Variants in GRAMD1B observed in about 807,000 individuals in gnomAD.
GRAMD1B encodes GRAM domain containing 1B, also known as protein Aster-B.
GRAMD1B carries 37 observed loss-of-function variants against 99.7 expected under a neutral mutation model. The ratio of observed to expected loss-of-function variants is 0.37; its 90% CI spans 0.29 to 0.49. GRAMD1B has a LOEUF of 0.49. Ranked by LOEUF, GRAMD1B falls within the 20% of genes least tolerant of loss-of-function variation. The probability of loss-of-function intolerance (pLI) is 0.98; values close to 1 mark genes in which losing one functional copy is unlikely to be tolerated. For synonymous variants in GRAMD1B, 427 were observed against 387.6 expected (o/e 1.10, Z -1.19); for missense variants, 888 against 1,009.2 (o/e 0.88, Z 1.63).
chr11:123,525,799 G>T, intron 2 of GRAMD1B: 2 of 307,036 alleles, frequency 6.5e-6, no homozygotes, highest in East Asian at 7.3e-5. Context: ...GCTGTTGACG[G>T]CAACTCCAGG....
intron 2 of GRAMD1B, among the ~76,000 whole-genome samples, chr11:123,513,629 TCTTTCTTTCTTTCTTTTTCTTAC>T (rs1454315296): frequency 1.0e-5 from 1 of 96,788 alleles, no homozygotes; most frequent in Non-Finnish European, 2.1e-5. Flanking sequence ...TTTCTTTCTT[TCTTTCTTTCTTTCTTTTTCTTAC>T]CTTTCTTTCT....
chr11:123,560,525 G>A (rs1565373496), intron 2 of GRAMD1B: 1 of 1,268,172 alleles, frequency 7.9e-7, no homozygotes, highest in Non-Finnish European at 1.0e-6. Flanking sequence ...GATGGTCATG[G>A]AGGTGAGTGC....
intron 1 of GRAMD1B, among the ~76,000 whole-genome samples, chr11:123,359,440 G>C (rs551185993): frequency 6.6e-5 from 10 of 152,216 alleles, no homozygotes; most frequent in African/African-American, 1.9e-4. Flanking sequence ...TTGTGGAGTA[G>C]ATGAAGGAAT....
chr11:123,506,397 G>T (rs939707439), intron 2 of GRAMD1B, among the ~76,000 whole-genome samples: 16 of 146,496 alleles, frequency 1.1e-4, no homozygotes, highest in South Asian at 6.5e-4. Context: ...CATGTTTTTT[G>T]TTTTTTTTTT....
chr11:123,401,368 C>G (rs993002282), intron 1 of GRAMD1B, among the ~76,000 whole-genome samples: 1 of 152,244 alleles, frequency 6.6e-6, no homozygotes, highest in Non-Finnish European at 1.5e-5. Flanking sequence ...CAGCCTGTTG[C>G]GTCCGCTCTG....
intron 2 of GRAMD1B, among the ~76,000 whole-genome samples, chr11:123,549,584 C>G (rs1018788323): frequency 2.6e-5 from 4 of 151,954 alleles, no homozygotes; most frequent in African/African-American, 9.7e-5. Flanking sequence ...CAGGAAATGA[C>G]CTACAGAGTC....
At position 123,373,835 on chromosome 11, in the gene GRAMD1B, T is replaced by C. The variant is rs1240471529; in HGVS notation, c.-176+15036T>C. On this transcript the variant is annotated intron_variant, in intron 1 of 20. Transcript: ENST00000638157. ...CAGATAGGCTTCCTTTGCTAGAGCT[T>C]GAGATCCCTTAGTTTAGCTATACAG... 3.9e-5 allele frequency among the ~76,000 whole-genome samples: 6 copies of C among 152,218 alleles called. No homozygotes were observed. In the South Asian group the frequency reaches 1.2e-3, roughly 32 times the overall value.
At chr11:123,369,317 A>G (rs1013725607) in intron 1 of GRAMD1B, among the ~76,000 whole-genome samples, 2 of 152,150 alleles carry the variant, frequency 1.3e-5, no homozygotes, top group African/African-American at 4.8e-5. Flanking sequence ...GAAAAAAAGG[A>G]AATCGCTTGA....
intron 1 of GRAMD1B, among the ~76,000 whole-genome samples, chr11:123,474,407 G>T (rs776224699): frequency 1.3e-5 from 2 of 152,188 alleles, no homozygotes; most frequent in Non-Finnish European, 2.9e-5. Context: ...GGACTAGAAT[G>T]TGCGTCTCTC....
chr11:123,369,821 G>A (rs1319283792), intron 1 of GRAMD1B, among the ~76,000 whole-genome samples: 1 of 151,878 alleles, frequency 6.6e-6, no homozygotes, highest in South Asian at 2.1e-4. Context: ...GCAATGAACC[G>A]AGTTCCCGCC....
intron 1 of GRAMD1B, among the ~76,000 whole-genome samples, chr11:123,379,635 T>A (rs1439814623): frequency 1.3e-5 from 2 of 152,268 alleles, no homozygotes; most frequent in Non-Finnish European, 2.9e-5. Flanking sequence ...GTAATGCTCC[T>A]GTGAATATTA....
rs4063751 is a variant in GRAMD1B, at chr11:123,601,515, A to ATGTGTGTGTGTG, written c.1050+987_1050+998dup. 2.3e-3 allele frequency among the ~76,000 whole-genome samples: 339 copies of ATGTGTGTGTGTG among 148,912 alleles called. 2 individuals are homozygous for ATGTGTGTGTGTG. The highest frequency in any genetic ancestry group is 7.8e-3 in the African/African-American group (318 of 40,616). ...AATGTTTCCCCCAGGATTAATTTTTATGTGTGTGTGTGTGTGTGTGTGTGT... is the reference window on the plus strand; with the variant it reads ...AATGTTTCCCCCAGGATTAATTTTTATGTGTGTGTGTGTGTGTGTGTGTGTGTGTGTGTGTGT... On this transcript the variant is annotated intron_variant, in intron 8 of 19. Coordinates refer to ENST00000635736, the MANE Select transcript of GRAMD1B (RefSeq NM_001387025.1).
intron 2 of GRAMD1B, 49 bp from the exon 3 acceptor site, chr11:123,577,315 TTCC>T: frequency 2.1e-6 from 3 of 1,446,562 alleles, no homozygotes; most frequent in Non-Finnish European, 2.9e-6. Context: ...CTGCCTGCCT[TTCC>T]TCCTCCTTCT....
At chr11:123,570,781 T>A (rs1947993420) in intron 2 of GRAMD1B, among the ~76,000 whole-genome samples, 1 of 152,238 alleles carries the variant, frequency 6.6e-6, no homozygotes, top group Admixed American at 6.5e-5. Flanking sequence ...TACCAAGCAC[T>A]GTGCTAAATA....
chr11:123,435,937 CTTTTTTTTT>C (rs10647186), intron 1 of GRAMD1B, among the ~76,000 whole-genome samples: 2 of 95,704 alleles, frequency 2.1e-5, no homozygotes, highest in Non-Finnish European at 3.9e-5. Context: ...GAAACTCATA[CTTTTTTTTT>C]TTTTTTTTTT....
chr11:123,393,459 C>T (rs1463158045), intron 1 of GRAMD1B, among the ~76,000 whole-genome samples: 2 of 152,170 alleles, frequency 1.3e-5, no homozygotes, highest in African/African-American at 2.4e-5. Context: ...GCTTAGATGG[C>T]AACCGTGGCT....
chr11:123,373,638 G>A (rs1255822261), intron 1 of GRAMD1B, among the ~76,000 whole-genome samples: 3 of 152,330 alleles, frequency 2.0e-5, no homozygotes, highest in East Asian at 3.9e-4. Flanking sequence ...CAAGGTGTAT[G>A]TATGTCTTAC....
At chr11:123,509,573 T>C (rs1167551153) in intron 2 of GRAMD1B, among the ~76,000 whole-genome samples, 1 of 152,388 alleles carries the variant, frequency 6.6e-6, no homozygotes, top group African/African-American at 2.4e-5. Context: ...CTCTGTTGTA[T>C]GGATGCCAGC....
intron 2 of GRAMD1B, among the ~76,000 whole-genome samples, chr11:123,488,501 A>G (rs1938143566): frequency 6.6e-6 from 1 of 152,196 alleles, no homozygotes; most frequent in Admixed American, 6.5e-5. Flanking sequence ...TCCAAGATGA[A>G]GACATGGTCC....
Sources: allele counts gnomAD v4.1 joint callset (sites outside exome capture counted in the v4.1 genomes callset), GRCh38; gene constraint gnomAD v4.1.1; transcripts MANE v1.5; gene names NCBI Gene and HGNC (gene_info 2026-07-23, HGNC 2026-07-21).